Variants in KCNG4 observed in about 807,000 individuals in gnomAD.
KCNG4 encodes the protein potassium voltage-gated channel modifier subfamily G member 4.
KCNG4 carries 30 observed loss-of-function variants against 28.2 expected under a neutral mutation model. The observed-to-expected ratio is 1.06, with a 90% CI of 0.80 to 1.44. The LOEUF (loss-of-function observed/expected upper bound fraction) is 1.44, where lower values mean the gene tolerates loss of function less well. Among genes scored for constraint, KCNG4 ranks in the 40% most tolerant of loss-of-function variants. KCNG4 has a pLI of 0.00. For missense variants in KCNG4, 879 were observed against 712.3 expected, an observed-to-expected ratio of 1.23 and a Z score of -2.66; for synonymous variants, 375 against 315.5, an observed-to-expected ratio of 1.19 and a Z score of -2.00.
intron 2 of KCNG4, among the ~76,000 whole-genome samples, chr16:84,233,836 A>G (rs1021285305): frequency 6.6e-6 from 1 of 150,462 alleles, no homozygotes; most frequent in Non-Finnish European, 1.5e-5. Flanking sequence ...TTGTGTAGTC[A>G]TAGGGGGTCG....
At position 84,220,316 on chromosome 16, in the gene KCNG4, G is replaced by C. The variant is rs538816236; in HGVS notation, c.*1901C>G. 2.6e-5 allele frequency: 4 copies of C among 152,308 alleles called. No individual in the cohort carries two copies. The highest frequency in any genetic ancestry group is 9.6e-5 in the African/African-American group (4 of 41,568). 9.4% of individuals were successfully genotyped at this position (152,308 alleles called of 1,614,324 possible). ...GCTTGGGAAAGATTGGGGTCTAAAA[G>C]AATGGGGACATGTGCCTGTATAGTT... On this transcript the variant is annotated 3_prime_UTR_variant, in exon 3 of 3. Coordinates refer to ENST00000308251, the MANE Select transcript of KCNG4 (RefSeq NM_172347.3).
chr16:84,237,472 G>A lies in KCNG4; in HGVS notation c.14C>T (p.Ser5Phe). The change falls in exon 2 of 3, where the codon TCC (serine) becomes TTC (phenylalanine). Residue 5 changes from serine to phenylalanine, a missense_variant. Transcript: ENST00000308251. MPMP[S>F]RDGGLHPRHH... is the part of the protein sequence containing the mutation. ...TCTGGGATGCAGGCCCCCGTCTCTG[G>A]AAGGCATGGGCATTGCTGAAGACCA... 3 of 1,499,770 alleles carry A rather than the reference G, an allele frequency of 2.0e-6. No homozygotes were observed. Among genetic ancestry groups the A allele is most frequent in the Non-Finnish European group, 2.7e-6 (3 of 1,124,932 alleles). 92.9% of individuals were successfully genotyped at this position (1,499,770 alleles called of 1,614,324 possible).
chr16:84,225,985 A>C (rs1193211467), intron 2 of KCNG4, among the ~76,000 whole-genome samples: 3 of 152,236 alleles, frequency 2.0e-5, no homozygotes, highest in Non-Finnish European at 2.9e-5. Flanking sequence ...AAAAGAAAAA[A>C]AGGGGAAAGA....
In KCNG4 at chr16:84,225,968, T is replaced by A. The variant is rs537003084; in HGVS notation, c.757-2948A>T. On this transcript the variant is annotated intron_variant, in intron 2 of 2. Coordinates refer to ENST00000308251, the MANE Select transcript of KCNG4 (RefSeq NM_172347.3). ...GAAATAACTCCCAGCTTAGCAAACA[T>A]TCGAAGAAAAGAAAAAAAGGGGAAA... Among the ~76,000 whole-genome samples, 70 of 152,196 alleles carry A rather than the reference T, an allele frequency of 4.6e-4. 1 individual carries two copies. The South Asian group carries it at 0.014, about 30-fold the overall frequency.
chr16:84,222,192 C>A lies in KCNG4; in HGVS notation c.*25G>T, dbSNP rs766817749. On this transcript the variant is annotated 3_prime_UTR_variant, in exon 3 of 3. Coordinates refer to ENST00000308251, the MANE Select transcript of KCNG4 (RefSeq NM_172347.3). Reference sequence around the variant, plus strand: ...CAGGCAGGGTGATGGGTTGAGGTTACCATGTAGTCATGGGGGGTGCTGAGT... The same window carrying A: ...CAGGCAGGGTGATGGGTTGAGGTTAACATGTAGTCATGGGGGGTGCTGAGT... The A allele has an allele frequency of 6.2e-7, 1 of 1,610,230 alleles. No individual in the cohort carries two copies. Among genetic ancestry groups the A allele is most frequent in the Non-Finnish European group, 8.5e-7 (1 of 1,177,542 alleles).
At chr16:84,237,633 C>G (rs1905007486) in intron 1 of KCNG4, 108 bp from the exon 2 acceptor site, 5 of 636,098 alleles carry the variant, frequency 7.9e-6, no homozygotes, top group Non-Finnish European at 1.2e-5. Flanking sequence ...TTTCCTGTGA[C>G]TGCATCTGCA....
rs1320232056 is a variant in KCNG4, at chr16:84,237,186, G to A, written c.300C>T (p.Leu100=). The A allele has an allele frequency of 3.7e-6, 6 of 1,614,132 alleles. No individual in the cohort carries two copies. Among genetic ancestry groups the A allele is most frequent in the South Asian group, 1.1e-5 (1 of 91,076 alleles). ...LCRSYEEIVQ[L]CDDYDEDSQE... ...GGCTGTCCTCGTCGTAATCATCGCAGAGCTGCACGATCTCCTCGTAGCTCC... is the reference window on the plus strand; with the variant it reads ...GGCTGTCCTCGTCGTAATCATCGCAAAGCTGCACGATCTCCTCGTAGCTCC... The change falls in exon 2 of 3, where the codon CTC becomes CTT. Residue 100 remains leucine (L), a synonymous_variant. Coordinates refer to ENST00000308251, the MANE Select transcript of KCNG4 (RefSeq NM_172347.3).
In KCNG4 at chr16:84,226,165, A is replaced by G. The variant is rs778822593; in HGVS notation, c.757-3145T>C. ...AGGTGTGTTCTGGCTCCTTCCTGCA[A>G]TGAAGAAGAGCAAGCGTCAGCCTGG... On this transcript the variant is annotated intron_variant, in intron 2 of 2. Coordinates refer to ENST00000308251, the MANE Select transcript of KCNG4 (RefSeq NM_172347.3). This position sits in a 1 kb window ranked among gnomAD's most constrained non-coding sequence, Gnocchi z 4.1. 1.9e-4 allele frequency among the ~76,000 whole-genome samples: 29 copies of G among 152,172 alleles called. No individual in the cohort carries two copies. The highest frequency in any genetic ancestry group is 4.1e-4 in the South Asian group (2 of 4,832).
At position 84,237,275 on chromosome 16, in the gene KCNG4, G is replaced by C; in HGVS notation, c.211C>G (p.Leu71Val). Residue 71 changes from leucine to valine, a missense_variant, in exon 2 of 3, where the codon CTC becomes GTC. Coordinates refer to ENST00000308251, the MANE Select transcript of KCNG4 (RefSeq NM_172347.3). Reference protein sequence around the residue: ...ILINVGGRRYLLPWSTLDRFP... With the variant: ...ILINVGGRRYVLPWSTLDRFP... ...CGGTCCAGTGTGCTCCAGGGGAGGA[G>C]ATACCTCCTGCCCCCCACGTTGATC... 6.2e-7 allele frequency: 1 copy of C among 1,610,630 alleles called. No homozygotes were observed. Among genetic ancestry groups the C allele is most frequent in the Non-Finnish European group, 8.5e-7 (1 of 1,177,788 alleles).
Position 84,226,298 on chromosome 16 carries a change from AG to A in KCNG4, c.757-3279del, listed in dbSNP as rs1258834947. On this transcript the variant is annotated intron_variant, in intron 2 of 2. Coordinates refer to ENST00000308251, the MANE Select transcript of KCNG4 (RefSeq NM_172347.3). The surrounding 1 kb of genome is among the most constrained non-coding windows in gnomAD (Gnocchi z 4.1). Reference sequence around the variant, plus strand: ...TTCCACTTGTGGGAAGCTCGAGAACAGGCAGCCTCATCTAGGGTGCACAAAG... The same window carrying A: ...TTCCACTTGTGGGAAGCTCGAGAACAGCAGCCTCATCTAGGGTGCACAAAG... Among the ~76,000 whole-genome samples, 2 of 152,202 alleles carry A rather than the reference AG, an allele frequency of 1.3e-5. No individual in the cohort carries two copies.
At chr16:84,224,413 C>CACACACACAT (rs71148890) in intron 2 of KCNG4, among the ~76,000 whole-genome samples, 8,656 of 140,558 alleles carry the variant, frequency 0.062, 338 homozygotes, top group South Asian at 0.11. Context: ...TACACACACA[C>CACACACACAT]ACACACACAC....
intron 2 of KCNG4, among the ~76,000 whole-genome samples, chr16:84,227,325 C>T (rs1904720114): frequency 6.6e-6 from 1 of 152,232 alleles, no homozygotes; most frequent in Non-Finnish European, 1.5e-5. Flanking sequence ...GCCTGTAATC[C>T]TGGCACTTTG....
chr16:84,222,547 C>T lies in KCNG4; in HGVS notation c.1230G>A (p.Trp410Ter), dbSNP rs1186155172. The change falls in exon 3 of 3, where the codon TGG becomes TGA. Residue 410 changes from tryptophan to a stop codon, truncating the protein, a stop_gained. Transcript: ENST00000308251. LOFTEE classifies it high-confidence loss of function. ...LEFTSIPASY[W>*]WAIISMTTVG... ...CCGTTGTCATGGAGATGATGGCCCA[C>T]CAATAGGAGGCGGGGATGCTGGTGA... The T allele has an allele frequency of 1.2e-6, 2 of 1,613,482 alleles. No individual in the cohort carries two copies. Among genetic ancestry groups the T allele is most frequent in the Admixed American group, 1.7e-5 (1 of 60,004 alleles).
rs777894951 is a variant in KCNG4, at chr16:84,222,758, C to G, written c.1019G>C (p.Arg340Pro). 1 of 1,611,632 alleles carries G rather than the reference C, an allele frequency of 6.2e-7. No homozygotes were observed. The highest frequency in any genetic ancestry group is 8.5e-7 in the Non-Finnish European group (1 of 1,178,856). ...CATCACGTAGAGGATGCGCAGCGCT[C>G]GCAGCACACGCAGGACCAGCCCCAC... ...EKVGLVLRVLRALRILYVMRL... is the reference protein window; with the variant it reads ...EKVGLVLRVLPALRILYVMRL... Residue 340 changes from arginine to proline, a missense_variant, in exon 3 of 3, where the codon CGA (arginine) becomes CCA (proline). Coordinates refer to ENST00000308251, the MANE Select transcript of KCNG4 (RefSeq NM_172347.3).
chr16:84,237,204 G>T lies in KCNG4; in HGVS notation c.282C>A (p.Tyr94Ter). The change falls in exon 2 of 3, where the codon TAC becomes TAA. Residue 94 changes from tyrosine (Y) to a stop codon, truncating the protein, a stop_gained. Transcript: ENST00000308251. LOFTEE classifies it high-confidence loss of function. ...RLSKLRLCRS[Y>*]EEIVQLCDDY... ...CATCGCAGAGCTGCACGATCTCCTC[G>T]TAGCTCCGACAGAGCCTGAGTTTGC... 1 of 1,614,144 alleles carries T rather than the reference G, an allele frequency of 6.2e-7. No individual in the cohort carries two copies. The highest frequency in any genetic ancestry group is 1.1e-5 in the South Asian group (1 of 91,084).
At position 84,237,435 on chromosome 16, in the gene KCNG4, A is replaced by C. The variant is rs763379545; in HGVS notation, c.51T>G (p.Tyr17Ter). Reference sequence around the variant, plus strand: ...GCTGACTCCAAGGGCTGTGGGAACCATAGTGGTGGTGTCTGGGATGCAGGC... The same window carrying C: ...GCTGACTCCAAGGGCTGTGGGAACCCTAGTGGTGGTGTCTGGGATGCAGGC... ...DGGLHPRHHH[Y>*]GSHSPWSQLL... The change falls in exon 2 of 3, where the codon TAT becomes TAG. Residue 17 changes from tyrosine to a stop codon, truncating the protein, a stop_gained. Coordinates refer to ENST00000308251, the MANE Select transcript of KCNG4 (RefSeq NM_172347.3). LOFTEE classifies it high-confidence loss of function. The C allele has an allele frequency of 6.6e-7, 1 of 1,511,894 alleles. No homozygotes were observed. Among genetic ancestry groups the C allele is most frequent in the East Asian group, 2.3e-5 (1 of 43,728 alleles). The allele number at this position is 1,511,894 out of a possible 1,614,324, so 93.7% of individuals were successfully genotyped here.
Position 84,236,881 on chromosome 16 carries a change from A to G in KCNG4, c.605T>C (p.Leu202Pro), listed in dbSNP as rs1286409221. The change falls in exon 2 of 3, where the codon CTG (leucine) becomes CCG (proline). Residue 202 changes from leucine (L) to proline (P), a missense_variant. Coordinates refer to ENST00000308251, the MANE Select transcript of KCNG4 (RefSeq NM_172347.3). ...CATCTCGCGCAGCCGGTTCATGCAC[A>G]GGCCCCAGCGCGAGGAGTGCGAGGC... ...RPASHSSRWGLCMNRLREMVE... is the reference protein window; with the variant it reads ...RPASHSSRWGPCMNRLREMVE... The G allele has an allele frequency of 6.2e-7, 1 of 1,613,506 alleles. No individual in the cohort carries two copies. Among genetic ancestry groups the G allele is most frequent in the Non-Finnish European group, 8.5e-7 (1 of 1,179,994 alleles).
chr16:84,223,710 C>T (rs1222850634), intron 2 of KCNG4, among the ~76,000 whole-genome samples: 1 of 152,172 alleles, frequency 6.6e-6, no homozygotes, highest in Non-Finnish European at 1.5e-5. Flanking sequence ...GAGGCGGTAC[C>T]AGGGTCTCTT....
chr16:84,228,212 G>C (rs1026934210), intron 2 of KCNG4, among the ~76,000 whole-genome samples: 8 of 152,180 alleles, frequency 5.3e-5, no homozygotes, highest in African/African-American at 1.7e-4. Context: ...AGGGGCTCAG[G>C]GCCCACAGTC....
Sources: gnomAD v4.1 joint callset for allele counts (sites outside exome capture counted in the v4.1 genomes callset) on GRCh38, gnomAD v4.1.1 for gene constraint, Gnocchi (gnomAD v3.1) non-coding constraint, MANE v1.5 for transcripts, NCBI Gene and HGNC (gene_info 2026-07-23, HGNC 2026-07-21) for gene names.